The following GPHN variants were observed in gnomAD, a reference collection of about 807,000 sequenced individuals.
GPHN encodes gephyrin.
GPHN carries 17 observed loss-of-function variants against 95.5 expected under a neutral mutation model. The ratio of observed to expected loss-of-function variants is 0.18; its 90% CI spans 0.12 to 0.27. The LOEUF is 0.27. GPHN is among the 10% of genes least tolerant of loss of function. The probability of loss-of-function intolerance (pLI) is 1.00; values close to 1 mark genes in which losing one functional copy is unlikely to be tolerated. For synonymous variants in GPHN, 320 were observed against 322.5 expected (o/e 0.99, Z 0.08); for missense variants, 660 against 978.1 (o/e 0.67, Z 4.34).
chr14:67,720,812 A>C, the GPHN span: 4 of 152,242 alleles, frequency 2.6e-5, no homozygotes, highest in African/African-American at 9.6e-5. Context: ...TCATAATTCT[A>C]GATGCCTTAT....
Position 67,021,623 on chromosome 14 carries a change from T to G in GPHN, c.964-2010T>G, listed in dbSNP as rs556115352. Among the ~76,000 whole-genome samples the G allele has an allele frequency of 1.2e-3, 182 of 152,182 alleles. 1 individual carries two copies. The highest frequency in any genetic ancestry group is 3.9e-3 in the African/African-American group (163 of 41,558). ...AACTAGTTCTTCACCACCATTTCCA[T>G]TATATACATTAGAAAATGTATATAA... is the stretch of plus-strand genomic sequence containing the variant. On this transcript the variant is annotated intron_variant, in intron 9 of 22. Transcript: ENST00000478722.
chr14:66,774,269 T>C (rs2153459944), intron 2 of GPHN, among the ~76,000 whole-genome samples: 1 of 152,254 alleles, frequency 6.6e-6, no homozygotes, highest in Non-Finnish European at 1.5e-5. Context: ...CCCAAAGTGC[T>C]GGGATTACAG....
intron 9 of GPHN, among the ~76,000 whole-genome samples, chr14:67,016,983 A>T (rs2073349649): frequency 6.6e-6 from 1 of 152,100 alleles, no homozygotes; most frequent in Non-Finnish European, 1.5e-5. Context: ...TCCCCATATT[A>T]TGGATGAGGA....
At position 66,593,067 on chromosome 14, in the gene GPHN, A is replaced by G. The variant is rs538552450; in HGVS notation, c.64+84476A>G. On this transcript the variant is annotated intron_variant, in intron 1 of 22. Coordinates refer to ENST00000478722, the MANE Select transcript of GPHN (RefSeq NM_020806.5). ...ACAGAAAGAGAAAACCAAACACTGC[A>G]TGTTCTCACTCATAAATGGGAGTCA... Among the ~76,000 whole-genome samples the G allele has an allele frequency of 3.9e-5, 6 of 152,276 alleles. No homozygotes were observed. The East Asian group carries it at 1.2e-3, about 29-fold the overall frequency.
chr14:67,488,262 G>A, the GPHN span, among the ~76,000 whole-genome samples: 2 of 152,250 alleles, frequency 1.3e-5, no homozygotes, highest in African/African-American at 2.4e-5. Context: ...AGTAGAGGCC[G>A]CTTGGGCCCT....
chr14:66,673,942 G>C lies in GPHN; in HGVS notation c.65-7165G>C, dbSNP rs75997388. 8.3e-3 allele frequency among the ~76,000 whole-genome samples: 1,258 copies of C among 151,990 alleles called. 8 individuals are homozygous for C. Among genetic ancestry groups the C allele is most frequent in the African/African-American group, 0.029 (1,203 of 41,436 alleles). On this transcript the variant is annotated intron_variant, in intron 1 of 22. Coordinates refer to ENST00000478722, the MANE Select transcript of GPHN (RefSeq NM_020806.5). ...ACACAATGTGTAATTATAAAATCAGGGTATTTCGCATATCCGTAATCTCAA... is the reference window on the plus strand; with the variant it reads ...ACACAATGTGTAATTATAAAATCAGCGTATTTCGCATATCCGTAATCTCAA...
At chr14:67,666,662 G>C in the GPHN span, among the ~76,000 whole-genome samples, 2 of 152,146 alleles carry the variant, frequency 1.3e-5, no homozygotes, top group African/African-American at 4.8e-5. Flanking sequence ...GCTAGAGCTA[G>C]GATGTACCTC....
the GPHN span, among the ~76,000 whole-genome samples, chr14:67,453,205 A>G: frequency 6.7e-6 from 1 of 149,084 alleles, no homozygotes; most frequent in Admixed American, 6.7e-5. Flanking sequence ...TGCTCCAATT[A>G]TCCCCCGGGG....
chr14:66,935,224 G>T (rs1449079767), intron 8 of GPHN, among the ~76,000 whole-genome samples: 1 of 152,096 alleles, frequency 6.6e-6, no homozygotes, highest in Admixed American at 6.5e-5. Context: ...GACAAAGAGG[G>T]AAGCTATCCT....
chr14:66,804,794 T>C (rs928115547), intron 3 of GPHN, among the ~76,000 whole-genome samples: 5 of 152,228 alleles, frequency 3.3e-5, no homozygotes, highest in Non-Finnish European at 5.9e-5. Context: ...TTTTTATAAT[T>C]ATGTGATGTT....
At chr14:66,686,610 G>A (rs1329568990) in intron 2 of GPHN, among the ~76,000 whole-genome samples, 1 of 152,164 alleles carries the variant, frequency 6.6e-6, no homozygotes, top group African/African-American at 2.4e-5. Context: ...TATGTCCTGA[G>A]ACTTTGCTGA....
chr14:66,537,613 A>G (rs1240980233), intron 1 of GPHN, among the ~76,000 whole-genome samples: 1 of 152,004 alleles, frequency 6.6e-6, no homozygotes, highest in African/African-American at 2.4e-5. Flanking sequence ...ATTCTTTTAT[A>G]TTTATCCACA....
intron 8 of GPHN, among the ~76,000 whole-genome samples, chr14:66,935,768 TAC>T (rs1016947041): frequency 5.2e-4 from 79 of 152,066 alleles, no homozygotes; most frequent in African/African-American, 1.6e-3. Flanking sequence ...ACTATATATA[TAC>T]AGTTTTATTG....
chr14:67,620,974 G>T, the GPHN span: 1 of 1,613,930 alleles, frequency 6.2e-7, no homozygotes. Flanking sequence ...TGGGTAAGTG[G>T]TTAGATTTTT....
At chr14:67,535,468 C>T in the GPHN span, among the ~76,000 whole-genome samples, 1 of 150,558 alleles carries the variant, frequency 6.6e-6, no homozygotes, top group African/African-American at 2.5e-5. Context: ...ACAACCTCCG[C>T]CTCCAGGGTT....
intron 5 of GPHN, among the ~76,000 whole-genome samples, chr14:66,909,253 A>G (rs970038364): frequency 3.3e-5 from 5 of 152,130 alleles, no homozygotes; most frequent in Non-Finnish European, 2.9e-5. Flanking sequence ...ACTGTCAAGG[A>G]GCAAATGATT....
At chr14:66,598,650 G>T (rs1468682226) in intron 1 of GPHN, among the ~76,000 whole-genome samples, 1 of 152,064 alleles carries the variant, frequency 6.6e-6, no homozygotes, top group African/African-American at 2.4e-5. Context: ...TTCAAGACCA[G>T]CCTGACCAAC....
At chr14:66,801,536 G>A (rs1470322427) in intron 3 of GPHN, among the ~76,000 whole-genome samples, 5 of 151,776 alleles carry the variant, frequency 3.3e-5, no homozygotes, top group East Asian at 3.9e-4. Flanking sequence ...AAAAAAATGA[G>A]TCTTCTCTCA....
chr14:67,508,753 C>CATAAAAAAAAAAAAAAAAA, the GPHN span, among the ~76,000 whole-genome samples: 1 of 46,714 alleles, frequency 2.1e-5, no homozygotes, highest in African/African-American at 6.6e-5. Flanking sequence ...AACCTTGTCT[C>CATAAAAAAAAAAAAAAAAA]AAAAAAAAAA....
Sources: allele counts gnomAD v4.1 joint callset (sites outside exome capture counted in the v4.1 genomes callset), GRCh38; gene constraint gnomAD v4.1.1; transcripts MANE v1.5; gene names NCBI Gene and HGNC (gene_info 2026-07-23, HGNC 2026-07-21).